The following BRSK2 variants were observed in gnomAD, a reference collection of about 807,000 sequenced individuals.
BRSK2 encodes the protein serine/threonine-protein kinase BRSK2.
Under a neutral mutation model 83.3 loss-of-function variants are expected in BRSK2, and 19 were observed. The observed-to-expected ratio is 0.23, with a 90% CI of 0.16 to 0.33. The LOEUF (loss-of-function observed/expected upper bound fraction) is 0.33, where lower values mean the gene tolerates loss of function less well. Ranked by LOEUF, BRSK2 falls within the 10% of genes least tolerant of loss-of-function variation. The probability of loss-of-function intolerance (pLI) is 1.00; values close to 1 mark genes in which losing one functional copy is unlikely to be tolerated. For synonymous variants in BRSK2, 519 were observed against 435.4 expected (o/e 1.19, Z -2.39); for missense variants, 798 against 1,042.3 (o/e 0.77, Z 3.23).
intron 15 of BRSK2, among the ~76,000 whole-genome samples, 154 bp downstream of exon 15, chr11:1,451,573 G>C (rs1845826586): frequency 6.6e-6 from 1 of 152,176 alleles, no homozygotes; most frequent in Non-Finnish European, 1.5e-5. Flanking sequence ...CTGAGTCTCT[G>C]AAGTTCGAAT....
intron 1 of BRSK2, among the ~76,000 whole-genome samples, chr11:1,401,718 G>A (rs116321542): frequency 1.9e-3 from 297 of 152,352 alleles, no homozygotes; most frequent in African/African-American, 6.7e-3. Flanking sequence ...GGAGTTTGCC[G>A]ACTTTGAGGA....
Position 1,436,022 on chromosome 11 carries a change from G to A in BRSK2, c.92-18G>A. On this transcript the variant is annotated intron_variant, in intron 1 of 19. Coordinates refer to ENST00000528841, the MANE Select transcript of BRSK2 (RefSeq NM_001256627.2). ...GGCACCCTGGGTGGGTCTGAGCGCG[G>A]CTGCTTCTCTCCCGCAGGTCTGGTG... 6.3e-7 allele frequency: 1 copy of A among 1,596,478 alleles called. No individual in the cohort carries two copies. Among genetic ancestry groups the A allele is most frequent in the Non-Finnish European group, 8.5e-7 (1 of 1,170,404 alleles).
At chr11:1,459,349 G>A (rs904497281) in intron 19 of BRSK2, 110 bp downstream of exon 19, 12 of 1,257,266 alleles carry the variant, frequency 9.5e-6, no homozygotes, top group Admixed American at 5.1e-5. Context: ...TCCCTGTGTA[G>A]ATGTAGGCAC....
chr11:1,440,993 ATGCCCCCTG>A, intron 4 of BRSK2, 65 bp downstream of exon 4: 6 of 1,423,648 alleles, frequency 4.2e-6, no homozygotes, highest in Non-Finnish European at 5.7e-6. Context: ...GCTACCACAG[ATGCCCCCTG>A]TGCCCCAAGG....
At chr11:1,403,086 G>A (rs919752473) in intron 1 of BRSK2, among the ~76,000 whole-genome samples, 3 of 152,138 alleles carry the variant, frequency 2.0e-5, no homozygotes, top group Admixed American at 6.5e-5. Flanking sequence ...GCCTCTGCCC[G>A]GCCTCTCACC....
chr11:1,390,433 G>T lies in BRSK2; in HGVS notation c.91+58G>T. The T allele has an allele frequency of 1.0e-6, 1 of 959,524 alleles. No homozygotes were observed. The allele number at this position is 959,524 out of a possible 1,614,324, so 59.4% of individuals were successfully genotyped here. On this transcript the variant is annotated intron_variant, in intron 1 of 19. Transcript: ENST00000528841. This position sits in a 1 kb window ranked among gnomAD's most constrained non-coding sequence, Gnocchi z 6.8. ...GGAGGCCGCGCTGGCAGCGCGCTGG[G>T]TGGGGGGCGCCCGAGGGAGGCCCCG...
intron 18 of BRSK2, among the ~76,000 whole-genome samples, chr11:1,457,807 C>G (rs1193804234): frequency 6.6e-6 from 1 of 150,986 alleles, no homozygotes; most frequent in Non-Finnish European, 1.5e-5. Context: ...GGAGCCCCCC[C>G]AGAGTGTGCT....
chr11:1,428,175 C>T (rs915379898), intron 1 of BRSK2, among the ~76,000 whole-genome samples: 3 of 152,136 alleles, frequency 2.0e-5, no homozygotes, highest in Non-Finnish European at 4.4e-5. Flanking sequence ...CCTGCTGCGT[C>T]GTGGCTGCCT....
At chr11:1,415,151 G>A (rs1266148873) in intron 1 of BRSK2, among the ~76,000 whole-genome samples, 23 of 147,778 alleles carry the variant, frequency 1.6e-4, no homozygotes, top group Non-Finnish European at 8.9e-5. Flanking sequence ...ATGGAGTGCA[G>A]TGGCGTGATC....
chr11:1,442,282 G>C (rs1455669473), intron 4 of BRSK2, among the ~76,000 whole-genome samples: 2 of 152,116 alleles, frequency 1.3e-5, no homozygotes, highest in Non-Finnish European at 2.9e-5. Context: ...AGGAGAAACA[G>C]GGATGCCTGA....
At chr11:1,444,832 CACCTT>C in intron 8 of BRSK2, 134 bp from the exon 9 acceptor site, 10 of 767,186 alleles carry the variant, frequency 1.3e-5, no homozygotes, top group Non-Finnish European at 2.0e-5. Context: ...TCTTCCTCCC[CACCTT>C]CCCCCCACTC....
chr11:1,397,201 C>A (rs1846186022), intron 1 of BRSK2, among the ~76,000 whole-genome samples: 1 of 152,216 alleles, frequency 6.6e-6, no homozygotes, highest in African/African-American at 2.4e-5. Flanking sequence ...GCCTGCAGAT[C>A]TCCCTGAGGC....
Position 1,443,520 on chromosome 11 carries a change from G to C in BRSK2, c.665G>C (p.Arg222Pro). Residue 222 changes from arginine (R) to proline (P), a missense_variant, in exon 8 of 20, where the codon CGA becomes CCA. Coordinates refer to ENST00000528841, the MANE Select transcript of BRSK2 (RefSeq NM_001256627.2). ...CTGCCCTTCGACGATGACAACTTGCGACAGCTGCTGGAGAAGGTGAAGCGG... is the reference window on the plus strand; with the variant it reads ...CTGCCCTTCGACGATGACAACTTGCCACAGCTGCTGGAGAAGGTGAAGCGG... ...GALPFDDDNL[R>P]QLLEKVKRGV... 1 of 1,606,642 alleles carries C rather than the reference G, an allele frequency of 6.2e-7. No individual in the cohort carries two copies. Among genetic ancestry groups the C allele is most frequent in the Non-Finnish European group, 8.5e-7 (1 of 1,176,878 alleles).
intron 1 of BRSK2, among the ~76,000 whole-genome samples, chr11:1,416,386 C>T (rs935004109): frequency 8.4e-4 from 128 of 152,092 alleles, no homozygotes; most frequent in African/African-American, 2.9e-3. Context: ...GGTCAGTCTT[C>T]GAGAAATGCT....
At chr11:1,440,692 A>C in intron 3 of BRSK2, 96 bp from the exon 4 acceptor site, 2 of 1,457,338 alleles carry the variant, frequency 1.4e-6, no homozygotes, top group South Asian at 1.3e-5. Flanking sequence ...CGGCCTGCAG[A>C]GAGGCTGGGC....
At chr11:1,396,836 G>T (rs1846157470) in intron 1 of BRSK2, among the ~76,000 whole-genome samples, 1 of 152,232 alleles carries the variant, frequency 6.6e-6, no homozygotes, top group African/African-American at 2.4e-5. Context: ...GCACTGTGGG[G>T]CATCACTGTG....
intron 1 of BRSK2, 87 bp from the exon 2 acceptor site, chr11:1,435,953 G>T (rs894704679): frequency 2.0e-6 from 2 of 996,634 alleles, no homozygotes; most frequent in African/African-American, 1.6e-5. Flanking sequence ...CAGGACGTGG[G>T]AGGAGGCCCC....
At chr11:1,457,453 C>T (rs1374253716) in intron 18 of BRSK2, among the ~76,000 whole-genome samples, 5 of 152,154 alleles carry the variant, frequency 3.3e-5, no homozygotes, top group Non-Finnish European at 5.9e-5. Context: ...GTCTAGGACC[C>T]GAGGGTCCGT....
intron 1 of BRSK2, among the ~76,000 whole-genome samples, chr11:1,433,281 C>G (rs542789163): frequency 3.0e-4 from 45 of 152,358 alleles, no homozygotes; most frequent in African/African-American, 9.6e-4. Context: ...AATGCTGTCC[C>G]GGTGCCCTTG....
Sources: allele counts gnomAD v4.1 joint callset (sites outside exome capture counted in the v4.1 genomes callset), GRCh38; gene constraint gnomAD v4.1.1; non-coding constraint Gnocchi (gnomAD v3.1); transcripts MANE v1.5; gene names NCBI Gene and HGNC (gene_info 2026-07-23, HGNC 2026-07-21).